Variants in TRAPPC9 observed in about 807,000 individuals in gnomAD.
TRAPPC9 encodes trafficking protein particle complex subunit 9.
Under a neutral mutation model 124.0 loss-of-function variants are expected in TRAPPC9, and 83 were observed. The observed-to-expected ratio is 0.67, with a 90% CI of 0.56 to 0.80. The LOEUF (loss-of-function observed/expected upper bound fraction) is 0.80, where lower values mean the gene tolerates loss of function less well. TRAPPC9 is among the 30% of genes least tolerant of loss of function. The pLI is 0.00. For missense variants in TRAPPC9, 1,302 were observed against 1,508.3 expected, an observed-to-expected ratio of 0.86 and a Z score of 2.27; for synonymous variants, 638 against 617.5, an observed-to-expected ratio of 1.03 and a Z score of -0.49.
chr8:139,930,065 G>A (rs1587251829), intron 19 of TRAPPC9, among the ~76,000 whole-genome samples: 1 of 152,214 alleles, frequency 6.6e-6, no homozygotes, highest in Non-Finnish European at 1.5e-5. Context: ...GTAATTTAAA[G>A]AAAACATTGA....
chr8:140,152,645 G>T (rs2061565814), intron 17 of TRAPPC9, among the ~76,000 whole-genome samples: 1 of 152,058 alleles, frequency 6.6e-6, no homozygotes, highest in Admixed American at 6.5e-5. Context: ...TGGGATTACA[G>T]GCATGAGCCA....
chr8:140,143,162 T>C (rs899579139), intron 17 of TRAPPC9, among the ~76,000 whole-genome samples: 8 of 152,160 alleles, frequency 5.3e-5, no homozygotes, highest in Non-Finnish European at 1.2e-4. Flanking sequence ...GTTTCCCTGA[T>C]TAGTATTTGT....
At chr8:140,421,384 T>C (rs1036506398) in intron 5 of TRAPPC9, among the ~76,000 whole-genome samples, 2 of 152,210 alleles carry the variant, frequency 1.3e-5, no homozygotes, top group Non-Finnish European at 2.9e-5. Context: ...ACTTGTCAAA[T>C]CTAGTTAACG....
At chr8:140,143,360 C>T (rs914079113) in intron 17 of TRAPPC9, among the ~76,000 whole-genome samples, 2 of 151,956 alleles carry the variant, frequency 1.3e-5, no homozygotes, top group Non-Finnish European at 2.9e-5. Context: ...ATCAGTGGGA[C>T]TCACTCTTAT....
At chr8:140,405,283 A>G (rs1353307512) in intron 6 of TRAPPC9, 1 of 287,796 alleles carries the variant, frequency 3.5e-6, no homozygotes, top group Non-Finnish European at 6.6e-6. Context: ...AATAATATAC[A>G]TTGATAAAAG....
At chr8:140,108,062 A>G (rs888860403) in intron 17 of TRAPPC9, among the ~76,000 whole-genome samples, 2 of 149,314 alleles carry the variant, frequency 1.3e-5, no homozygotes, top group Admixed American at 6.8e-5. Context: ...CCTCTGGGTG[A>G]TATCCGAACT....
intron 1 of TRAPPC9, among the ~76,000 whole-genome samples, chr8:140,457,171 A>ATGG (rs2071703850): frequency 6.6e-6 from 1 of 152,204 alleles, no homozygotes; most frequent in Non-Finnish European, 1.5e-5. Flanking sequence ...GCTGGGCCCC[A>ATGG]GGCCCCAGCC....
chr8:139,745,641 T>G (rs1818835810), intron 21 of TRAPPC9, among the ~76,000 whole-genome samples: 1 of 152,198 alleles, frequency 6.6e-6, no homozygotes, highest in Non-Finnish European at 1.5e-5. Flanking sequence ...CAGTCCTCCT[T>G]CAGGCCCAGC....
chr8:140,415,733 C>A (rs796539470), intron 5 of TRAPPC9, among the ~76,000 whole-genome samples: 2 of 152,060 alleles, frequency 1.3e-5, no homozygotes, highest in South Asian at 4.1e-4. Flanking sequence ...GTTTGGGAAG[C>A]AGAGGTGAGA....
intron 15 of TRAPPC9, among the ~76,000 whole-genome samples, chr8:140,253,915 C>T (rs2064187305): frequency 6.6e-6 from 1 of 152,098 alleles, no homozygotes; most frequent in African/African-American, 2.4e-5. Context: ...ATGGGGATAA[C>T]AATTACTGCA....
rs1049106931 is a variant in TRAPPC9 at position 140,087,109 on chromosome 8, G to A, written c.2557-63030C>T. Among the ~76,000 whole-genome samples the A allele has an allele frequency of 2.0e-5, 3 of 152,076 alleles. No individual in the cohort carries two copies. The highest frequency in any genetic ancestry group is 2.9e-5 in the Non-Finnish European group (2 of 68,018). On this transcript the variant is annotated intron_variant, in intron 17 of 22. Transcript: ENST00000438773. This position sits in a 1 kb window ranked among gnomAD's most constrained non-coding sequence, Gnocchi z 4.6. ...TGAAATGACTCTTTCCAATCTCAAA[G>A]CCAGTGGTCAACATCCTGGCCTTGT...
intron 21 of TRAPPC9, among the ~76,000 whole-genome samples, chr8:139,805,351 C>T (rs979414881): frequency 1.3e-5 from 2 of 152,222 alleles, no homozygotes; most frequent in African/African-American, 4.8e-5. Flanking sequence ...AACCTCCTCC[C>T]GGTGCAGGGC....
chr8:139,744,468 CG>C (rs1307470294), intron 21 of TRAPPC9, among the ~76,000 whole-genome samples: 1 of 152,126 alleles, frequency 6.6e-6, no homozygotes, highest in Admixed American at 6.5e-5. Context: ...GTGACAGAGA[CG>C]GAAGAAGGAC....
rs751840764 is a variant in TRAPPC9, at chr8:140,451,433, G to A, written c.-10-50C>T. 42 of 1,495,008 alleles carry A rather than the reference G, an allele frequency of 2.8e-5. No individual in the cohort carries two copies. The African/African-American group carries it at 3.2e-4, about 11-fold the overall frequency. 92.6% of individuals were successfully genotyped at this position (1,495,008 alleles called of 1,614,324 possible). A position where few individuals can be genotyped will look rare whatever the true frequency, so the allele number is the denominator to read the frequency against. ...TGTGAGACACAGAGTCCTGAGTGCTGAGAGCCTACCCTGGGAGGCAGTGAC... is the reference window on the plus strand; with the variant it reads ...TGTGAGACACAGAGTCCTGAGTGCTAAGAGCCTACCCTGGGAGGCAGTGAC... On this transcript the variant is annotated intron_variant, in intron 1 of 22. Coordinates refer to ENST00000438773, the MANE Select transcript of TRAPPC9 (RefSeq NM_001160372.4).
chr8:140,183,886 GA>G (rs1290105662), intron 17 of TRAPPC9, among the ~76,000 whole-genome samples: 1 of 24,656 alleles, frequency 4.1e-5, no homozygotes, highest in African/African-American at 1.6e-4. Flanking sequence ...AGAAGAAGAA[GA>G]AGAGGAGAGG....
At chr8:139,947,212 G>A (rs745336456) in intron 19 of TRAPPC9, among the ~76,000 whole-genome samples, 35 of 152,254 alleles carry the variant, frequency 2.3e-4, no homozygotes, top group Middle Eastern at 6.8e-3. Flanking sequence ...AACTACACGC[G>A]CATTTCTTCT....
At position 140,241,165 on chromosome 8, in the gene TRAPPC9, G is replaced by A. The variant is rs2063847911; in HGVS notation, c.2431+11612C>T. Among the ~76,000 whole-genome samples the A allele has an allele frequency of 1.3e-5, 2 of 152,196 alleles. No homozygotes were observed. Among genetic ancestry groups the A allele is most frequent in the East Asian group, 1.9e-4 (1 of 5,200 alleles). On this transcript the variant is annotated intron_variant, in intron 16 of 22. Coordinates refer to ENST00000438773, the MANE Select transcript of TRAPPC9 (RefSeq NM_001160372.4). The surrounding 1 kb of genome is among the most constrained non-coding windows in gnomAD (Gnocchi z 5.0). ...TGTAATTCCAGCACTTTAGGAGGCC[G>A]AGGCAGGCAGATCACCTGAGGTCAG...
chr8:140,301,855 A>C (rs2065988252), intron 10 of TRAPPC9, among the ~76,000 whole-genome samples: 1 of 152,116 alleles, frequency 6.6e-6, no homozygotes, highest in African/African-American at 2.4e-5. Flanking sequence ...TGGAGGCTGG[A>C]CATTGAGAAG....
chr8:140,305,417 C>T (rs758567787), intron 10 of TRAPPC9, among the ~76,000 whole-genome samples: 6 of 152,080 alleles, frequency 3.9e-5, no homozygotes, highest in African/African-American at 9.7e-5. Context: ...TCTGGTGCCT[C>T]GGCCACCCAA....
Sources: allele counts gnomAD v4.1 joint callset (sites outside exome capture counted in the v4.1 genomes callset), GRCh38; gene constraint gnomAD v4.1.1; non-coding constraint Gnocchi (gnomAD v3.1); transcripts MANE v1.5; gene names NCBI Gene and HGNC (gene_info 2026-07-23, HGNC 2026-07-21).